The following DIABLO variants were observed in gnomAD, a reference collection of about 807,000 sequenced individuals.
DIABLO encodes the protein diablo IAP-binding mitochondrial protein.
In DIABLO, 32 loss-of-function variants were observed where a neutral mutation model predicts 31.7. The observed-to-expected ratio is 1.01, with a 90% CI of 0.76 to 1.35. The LOEUF is 1.35. DIABLO is among the 40% of genes most tolerant of loss of function. The pLI is 0.00. For synonymous variants in DIABLO, 132 were observed against 103.2 expected, an observed-to-expected ratio of 1.28 and a Z score of -1.69; for missense variants, 316 against 286.4, an observed-to-expected ratio of 1.10 and a Z score of -0.75.
chr12:122,216,070 CACTG>C (rs1954205367), intron 5 of DIABLO, among the ~76,000 whole-genome samples: 2 of 152,164 alleles, frequency 1.3e-5, no homozygotes, highest in African/African-American at 2.4e-5. Flanking sequence ...CTGGTTTTGC[CACTG>C]ACTATGATTC....
rs1414953233 is a variant in DIABLO at position 122,218,734 on chromosome 12, G to C, written c.184-337C>G. 8.7e-6 allele frequency: 3 copies of C among 343,958 alleles called. No individual in the cohort carries two copies. In the Admixed American group the frequency reaches 1.2e-4, roughly 14 times the overall value. 21.3% of individuals were successfully genotyped at this position (343,958 alleles called of 1,614,324 possible). ...AGGCAGGCAGATCACGAGGTCAGGA[G>C]ATTGAGACGATCCTGGCCAACATGG... On this transcript the variant is annotated intron_variant, in intron 2 of 5. Coordinates refer to ENST00000464942, the MANE Select transcript of DIABLO (RefSeq NM_001371333.1).
rs747280328 is a variant in DIABLO at position 122,208,537 on chromosome 12, C to A, written c.564G>T (p.Gln188His). 6.2e-6 allele frequency: 10 copies of A among 1,613,978 alleles called. 1 individual carries two copies. The South Asian group carries it at 1.1e-4, about 18-fold the overall frequency. ...CCTCTTCCACCTGCAGTTTCACCAG[C>A]TGAATGTGATTCCTGGCGGTTATAG... ...QASITARNHI[Q>H]LVKLQVEEVH... Residue 188 changes from glutamine (Q) to histidine (H), a missense_variant, in exon 6 of 6, where the codon CAG becomes CAT. By Grantham distance (24) the Gln-to-His change is conservative (BLOSUM62 0). Coordinates refer to ENST00000464942, the MANE Select transcript of DIABLO (RefSeq NM_001371333.1).
Position 122,216,527 on chromosome 12 carries a change from C to T in DIABLO, c.484G>A (p.Gly162Ser), listed in dbSNP as rs1954215367. The change falls in exon 5 of 6, where the codon GGT becomes AGT. Residue 162 changes from glycine (G) to serine (S), a missense_variant. Coordinates refer to ENST00000464942, the MANE Select transcript of DIABLO (RefSeq NM_001371333.1). Reference protein sequence around the residue: ...KLETTWMTAVGLSEMAAEAAY... With the variant: ...KLETTWMTAVSLSEMAAEAAY... The stretch of plus-strand genomic sequence containing the variant: ...GCTTCTGCTGCCATCTCTGAAAGAC[C>T]AACTGCAGTCATCCAAGTGGTTTCC... 1 of 1,613,984 alleles carries T rather than the reference C, an allele frequency of 6.2e-7. No homozygotes were observed. The highest frequency in any genetic ancestry group is 8.5e-7 in the Non-Finnish European group (1 of 1,180,002).
chr12:122,224,948 T>A lies in DIABLO; in HGVS notation c.51-304A>T, dbSNP rs1021249556. 2.3e-5 allele frequency: 18 copies of A among 772,636 alleles called. No homozygotes were observed. The African/African-American group carries it at 3.1e-4, about 13-fold the overall frequency. The allele number at this position is 772,636 out of a possible 1,614,324, so 47.9% of individuals were successfully genotyped here. On this transcript the variant is annotated intron_variant, in intron 1 of 5. Coordinates refer to ENST00000464942, the MANE Select transcript of DIABLO (RefSeq NM_001371333.1). ...ACATGGCTGGCAACATGACCCCGTG[T>A]CTATTAAAAAAAAATAAGTAAATAA...
intron 2 of DIABLO, among the ~76,000 whole-genome samples, chr12:122,223,847 C>T (rs1009649085): frequency 7.9e-5 from 12 of 152,206 alleles, no homozygotes; most frequent in African/African-American, 2.9e-4. Context: ...GTCACCCAGG[C>T]TGGAGAGCAG....
intron 2 of DIABLO, among the ~76,000 whole-genome samples, chr12:122,223,342 G>A (rs948859352): frequency 6.6e-6 from 1 of 151,604 alleles, no homozygotes; most frequent in Non-Finnish European, 1.5e-5. Flanking sequence ...GCTAAGGCAT[G>A]AGAATTGCTT....
chr12:122,215,505 G>A (rs1483216166), intron 5 of DIABLO, among the ~76,000 whole-genome samples: 4 of 152,208 alleles, frequency 2.6e-5, no homozygotes, highest in African/African-American at 9.6e-5. Context: ...TTGGGAGGCT[G>A]AGGCAGGAGA....
chr12:122,226,230 C>T (rs1954471018), upstream of DIABLO: 2 of 781,130 alleles, frequency 2.6e-6, no homozygotes, highest in Non-Finnish European at 4.3e-6. Flanking sequence ...AACTTCCGCG[C>T]GGGGCGGGGC....
chr12:122,210,733 A>T (rs1253635654), intron 5 of DIABLO, among the ~76,000 whole-genome samples: 4 of 152,102 alleles, frequency 2.6e-5, no homozygotes, highest in Non-Finnish European at 5.9e-5. Context: ...CACCTGGTAC[A>T]AAATTTACTG....
intron 2 of DIABLO, 57 bp from the exon 3 acceptor site, chr12:122,218,454 A>T (rs926986216): frequency 2.5e-6 from 4 of 1,611,918 alleles, no homozygotes; most frequent in African/African-American, 2.7e-5. Flanking sequence ...GAACTTTTTC[A>T]CCAATAGGCA....
At position 122,218,248 on chromosome 12, in the gene DIABLO, A is replaced by G; in HGVS notation, c.315+18T>C. On this transcript the variant is annotated intron_variant, in intron 3 of 5. Transcript: ENST00000464942. ...CTAAACCATGGTTTAGAAGATCAAG[A>G]GTTAAGAGGAGACATACCTTAGTAT... 1 of 1,613,952 alleles carries G rather than the reference A, an allele frequency of 6.2e-7. No homozygotes were observed. Among genetic ancestry groups the G allele is most frequent in the Non-Finnish European group, 8.5e-7 (1 of 1,179,872 alleles).
chr12:122,217,037 CATT>C, intron 3 of DIABLO, 168 bp from the exon 4 acceptor site: 4 of 613,066 alleles, frequency 6.5e-6, no homozygotes, highest in Non-Finnish European at 1.2e-5. Context: ...GGTATCAGGA[CATT>C]AGTATCTCCA....
intron 2 of DIABLO, among the ~76,000 whole-genome samples, chr12:122,223,416 G>C (rs1331616580): frequency 2.0e-5 from 3 of 148,468 alleles, no homozygotes; most frequent in African/African-American, 7.4e-5. Flanking sequence ...CCTGGCAACA[G>C]AGTGAGACTC....
chr12:122,213,192 C>T lies in DIABLO; in HGVS notation c.523+3296G>A, dbSNP rs1593171022. Reference sequence around the variant, plus strand: ...GCATCCCGAAGTGCTGGGATTACAACAGGTATGAGCCACTGCACCTGGACC... The same window carrying T: ...GCATCCCGAAGTGCTGGGATTACAATAGGTATGAGCCACTGCACCTGGACC... On this transcript the variant is annotated intron_variant, in intron 5 of 5. Coordinates refer to ENST00000464942, the MANE Select transcript of DIABLO (RefSeq NM_001371333.1). 4.0e-5 allele frequency among the ~76,000 whole-genome samples: 6 copies of T among 150,888 alleles called. No individual in the cohort carries two copies. The Middle Eastern group carries it at 0.01, about 257-fold the overall frequency.
At position 122,214,195 on chromosome 12, in the gene DIABLO, C is replaced by A. The variant is rs544985773; in HGVS notation, c.523+2293G>T. On this transcript the variant is annotated intron_variant, in intron 5 of 5. Coordinates refer to ENST00000464942, the MANE Select transcript of DIABLO (RefSeq NM_001371333.1). The stretch of plus-strand genomic sequence containing the variant: ...ACTTACCTTAAAAAATGTTTTATAT[C>A]TTTTCTTTGAGATGGGGTCTCACTC... Among the ~76,000 whole-genome samples the A allele has an allele frequency of 1.1e-3, 166 of 152,186 alleles. 1 individual carries two copies. The highest frequency in any genetic ancestry group is 3.7e-3 in the African/African-American group (153 of 41,518).
At position 122,218,348 on chromosome 12, in the gene DIABLO, A is replaced by G. The variant is rs1422200315; in HGVS notation, c.233T>C (p.Val78Ala). Reference sequence around the variant, plus strand: ...AGAGGTGCTATCTGTTACCAAAGACACTGCTCTCCTCATCAATGCTTCACT... The same window carrying G: ...AGAGGTGCTATCTGTTACCAAAGACGCTGCTCTCCTCATCAATGCTTCACT... ...LSSEALMRRA[V>A]SLVTDSTSTF... Residue 78 changes from valine (V) to alanine (A), a missense_variant, in exon 3 of 6, where the codon GTG becomes GCG. Transcript: ENST00000464942. 3.1e-6 allele frequency: 5 copies of G among 1,614,042 alleles called. No individual in the cohort carries two copies. The Admixed American group carries it at 6.7e-5, about 22-fold the overall frequency.
At chr12:122,216,406 T>C in intron 5 of DIABLO, 82 bp downstream of exon 5, 2 of 1,256,556 alleles carry the variant, frequency 1.6e-6, no homozygotes, top group African/African-American at 3.0e-5. Flanking sequence ...AGCCCTCATT[T>C]TAGAAAACCA....
At chr12:122,211,174 T>G (rs902326699) in intron 5 of DIABLO, among the ~76,000 whole-genome samples, 2 of 125,884 alleles carry the variant, frequency 1.6e-5, no homozygotes, top group Admixed American at 1.8e-4. Context: ...CTGAGGCAGG[T>G]GGACTGCCTT....
upstream of DIABLO, chr12:122,226,502 G>C (rs1320343991): frequency 2.9e-6 from 2 of 698,984 alleles, no homozygotes; most frequent in African/African-American, 1.8e-5. Flanking sequence ...TGTAGCTGAG[G>C]AGCACGAAGG....
Sources: gnomAD v4.1 joint callset for allele counts (sites outside exome capture counted in the v4.1 genomes callset) on GRCh38, gnomAD v4.1.1 for gene constraint, MANE v1.5 for transcripts, NCBI Gene and HGNC (gene_info 2026-07-23, HGNC 2026-07-21) for gene names.